CHST9: variants seen among roughly 807,000 people sequenced by gnomAD.
CHST9 encodes the protein GalNAc-4-sulfotransferase 2.
A neutral mutation model predicts 44.4 loss-of-function variants in CHST9; 41 were observed. The observed-to-expected ratio is 0.92, with a 90% CI of 0.72 to 1.20. The LOEUF (loss-of-function observed/expected upper bound fraction) is 1.20, where lower values mean the gene tolerates loss of function less well. CHST9 is among the 50% of genes most tolerant of loss of function. The pLI is 0.00. For missense variants in CHST9, 504 were observed against 516.5 expected (o/e 0.98, Z 0.23); for synonymous variants, 171 against 178.4 (o/e 0.96, Z 0.33).
At chr18:27,097,101 G>A (rs1472497678) in intron 2 of CHST9, among the ~76,000 whole-genome samples, 7 of 151,980 alleles carry the variant, frequency 4.6e-5, no homozygotes, top group African/African-American at 7.2e-5. Context: ...CTTCATTCCC[G>A]GGATACAAGG....
chr18:26,937,406 G>T (rs896284909), intron 5 of CHST9, among the ~76,000 whole-genome samples: 3 of 152,128 alleles, frequency 2.0e-5, no homozygotes, highest in Admixed American at 1.3e-4. Context: ...AGAATTGGGG[G>T]ATTAATTAGG....
intron 3 of CHST9, among the ~76,000 whole-genome samples, chr18:27,037,414 G>A (rs1030579434): frequency 6.6e-6 from 1 of 152,200 alleles, no homozygotes; most frequent in Admixed American, 6.5e-5. Flanking sequence ...AAATGCCTGG[G>A]CATGGTGGCT....
At chr18:27,117,151 T>C (rs1427802922) in intron 2 of CHST9, among the ~76,000 whole-genome samples, 1 of 152,276 alleles carries the variant, frequency 6.6e-6, no homozygotes, top group African/African-American at 2.4e-5. Context: ...AGAAGATGTA[T>C]GTTATATTTA....
rs1329492668 is a variant in CHST9 at position 26,913,615 on chromosome 18, A to G, written c.*2644T>C. On this transcript the variant is annotated 3_prime_UTR_variant, in exon 6 of 6. Coordinates refer to ENST00000618847, the MANE Select transcript of CHST9 (RefSeq NM_031422.6). ...AAACAAATAGGATCCTTAGGGTTTA[A>G]TTGGAGGACTTATAATTGCACCTAA... 6.6e-6 allele frequency: 1 copy of G among 152,242 alleles called. No homozygotes were observed. 9.4% of individuals were successfully genotyped at this position (152,242 alleles called of 1,614,324 possible).
At chr18:27,057,316 A>G (rs553393286) in intron 2 of CHST9, among the ~76,000 whole-genome samples, 10 of 152,354 alleles carry the variant, frequency 6.6e-5, no homozygotes, top group African/African-American at 2.2e-4. Context: ...TAACTGGGCC[A>G]ATTTGAAAAC....
chr18:27,127,884 C>T (rs2058438607), intron 2 of CHST9, among the ~76,000 whole-genome samples: 2 of 152,110 alleles, frequency 1.3e-5, no homozygotes, highest in African/African-American at 4.8e-5. Context: ...TAGCAGGAAG[C>T]TCTGGGAGTT....
intron 4 of CHST9, among the ~76,000 whole-genome samples, chr18:26,947,153 A>G (rs1161641137): frequency 2.0e-5 from 3 of 152,202 alleles, no homozygotes; most frequent in African/African-American, 7.2e-5. Context: ...ATCCATGGGC[A>G]TGGAATGTTT....
intron 2 of CHST9, among the ~76,000 whole-genome samples, chr18:27,139,157 A>C (rs563300711): frequency 1.1e-4 from 16 of 152,268 alleles, no homozygotes; most frequent in African/African-American, 3.6e-4. Flanking sequence ...AACCCAAGAA[A>C]ACCAGGGAGG....
chr18:26,940,657 T>A (rs1375801984), intron 5 of CHST9, among the ~76,000 whole-genome samples: 1 of 151,904 alleles, frequency 6.6e-6, no homozygotes, highest in East Asian at 1.9e-4. Flanking sequence ...CAACAGGAGA[T>A]CCCATCAGAA....
At chr18:27,026,643 A>T (rs2057288321) in intron 3 of CHST9, among the ~76,000 whole-genome samples, 1 of 152,184 alleles carries the variant, frequency 6.6e-6, no homozygotes, top group South Asian at 2.1e-4. Flanking sequence ...CCATACAATC[A>T]ATATAGACTG....
At chr18:27,090,994 T>C (rs573749736) in intron 2 of CHST9, among the ~76,000 whole-genome samples, 1 of 152,322 alleles carries the variant, frequency 6.6e-6, no homozygotes, top group East Asian at 1.9e-4. Flanking sequence ...AAGTCATTGA[T>C]AGCTTGATGG....
At chr18:26,979,773 T>C (rs1421723129) in intron 4 of CHST9, among the ~76,000 whole-genome samples, 1 of 152,208 alleles carries the variant, frequency 6.6e-6, no homozygotes, top group African/African-American at 2.4e-5. Context: ...TACCAATTCC[T>C]ATGATAAATT....
chr18:26,973,908 T>C (rs1279617806), intron 4 of CHST9, among the ~76,000 whole-genome samples: 1 of 152,256 alleles, frequency 6.6e-6, no homozygotes, highest in African/African-American at 2.4e-5. Flanking sequence ...ACTCTCATGC[T>C]GAGCTCTCTA....
At chr18:27,071,310 C>T (rs1005763810) in intron 2 of CHST9, among the ~76,000 whole-genome samples, 3 of 152,168 alleles carry the variant, frequency 2.0e-5, no homozygotes, top group African/African-American at 7.2e-5. Context: ...CAAGTTTAAT[C>T]CACCTTGTTA....
chr18:27,097,472 A>G (rs534927952), intron 2 of CHST9, among the ~76,000 whole-genome samples: 1 of 152,170 alleles, frequency 6.6e-6, no homozygotes, highest in African/African-American at 2.4e-5. Context: ...TTTGTAGACA[A>G]CATGATTCTA....
At chr18:27,056,810 T>C (rs548595088) in intron 2 of CHST9, among the ~76,000 whole-genome samples, 2 of 152,334 alleles carry the variant, frequency 1.3e-5, no homozygotes, top group East Asian at 3.9e-4. Context: ...TTCTGATATG[T>C]TTACATCACC....
chr18:26,942,681 C>T (rs1041578074), intron 5 of CHST9, among the ~76,000 whole-genome samples: 1 of 152,104 alleles, frequency 6.6e-6, no homozygotes, highest in Admixed American at 6.5e-5. Context: ...ATAAGGAAAA[C>T]AGGGCTTTTT....
chr18:27,024,237 T>C lies in CHST9; in HGVS notation c.161-80A>G, dbSNP rs73402877. ...ATAAAACTTTCTACACAAAGATGCCTCAAAGCCTCTCATATTTTATTTGTA... is the reference window on the plus strand; with the variant it reads ...ATAAAACTTTCTACACAAAGATGCCCCAAAGCCTCTCATATTTTATTTGTA... On this transcript the variant is annotated intron_variant, in intron 3 of 5. Transcript: ENST00000618847. 59 of 1,065,094 alleles carry C rather than the reference T, an allele frequency of 5.5e-5. No homozygotes were observed. The African/African-American group carries it at 8.9e-4, about 16-fold the overall frequency. 66.0% of individuals were successfully genotyped at this position (1,065,094 alleles called of 1,614,324 possible). A position where few individuals can be genotyped will look rare whatever the true frequency, so the allele number is the denominator to read the frequency against.
chr18:27,055,785 T>C (rs1160421714), intron 2 of CHST9, among the ~76,000 whole-genome samples: 1 of 152,136 alleles, frequency 6.6e-6, no homozygotes, highest in Non-Finnish European at 1.5e-5. Flanking sequence ...CTACAGGAAA[T>C]AGCATGATAT....
Sources: allele counts gnomAD v4.1 joint callset (sites outside exome capture counted in the v4.1 genomes callset), GRCh38; gene constraint gnomAD v4.1.1; transcripts MANE v1.5; gene names NCBI Gene and HGNC (gene_info 2026-07-23, HGNC 2026-07-21).